Variants in SLC71A1 observed in about 807,000 individuals in gnomAD.
SLC71A1 encodes the protein hippocampus abundant gene transcript 1.
At chr1:100,058,467 G>A in the SLC71A1 span, among the ~76,000 whole-genome samples, 2 of 152,094 alleles carry the variant, frequency 1.3e-5, no homozygotes, top group African/African-American at 4.8e-5. Flanking sequence ...TATATGTAAA[G>A]TGCCCAATGT....
chr1:100,081,925 A>T, the SLC71A1 span: 1 of 1,077,490 alleles, frequency 9.3e-7, no homozygotes, highest in Non-Finnish European at 1.4e-6. Flanking sequence ...TTCATAAGTT[A>T]ATACTAAAAG....
At chr1:100,080,575 C>T in the SLC71A1 span, 7 of 1,613,808 alleles carry the variant, frequency 4.3e-6, no homozygotes, top group African/African-American at 8.0e-5. Flanking sequence ...TCATTTTCTA[C>T]ATATTCCATG....
At chr1:100,038,138 G>T in the SLC71A1 span, 2 of 1,119,976 alleles carry the variant, frequency 1.8e-6, no homozygotes, top group Admixed American at 2.0e-5. Context: ...CGCCCAGAGC[G>T]GCTCGGCCCG....
At chr1:100,042,908 C>T in the SLC71A1 span, among the ~76,000 whole-genome samples, 4 of 151,728 alleles carry the variant, frequency 2.6e-5, no homozygotes, top group South Asian at 2.1e-4. Context: ...CGCCTGGCCC[C>T]GTGGTGCTTT....
chr1:100,038,846 C>T, the SLC71A1 span, among the ~76,000 whole-genome samples: 8 of 152,220 alleles, frequency 5.3e-5, no homozygotes, highest in Admixed American at 2.6e-4. Context: ...CGTCGGTGCT[C>T]CGGCTCTGGG....
At chr1:100,062,045 A>G in the SLC71A1 span, 2 of 707,018 alleles carry the variant, frequency 2.8e-6, no homozygotes, top group East Asian at 3.0e-5. Context: ...TTGCATTACA[A>G]GATTTTTGCG....
At chr1:100,054,993 C>A in the SLC71A1 span, among the ~76,000 whole-genome samples, 2 of 151,970 alleles carry the variant, frequency 1.3e-5, no homozygotes, top group African/African-American at 4.8e-5. Context: ...GAAAGGATGC[C>A]GTGTATAAAA....
At chr1:100,057,818 A>G in the SLC71A1 span, among the ~76,000 whole-genome samples, 1 of 152,278 alleles carries the variant, frequency 6.6e-6, no homozygotes, top group South Asian at 2.1e-4. Flanking sequence ...TAAAGGGAAG[A>G]CCTTCCCTAC....
the SLC71A1 span, chr1:100,068,294 G>A: frequency 9.4e-7 from 1 of 1,062,258 alleles, no homozygotes; most frequent in Non-Finnish European, 1.4e-6. Flanking sequence ...AAACATCTTG[G>A]GTTTTTCTTT....
At chr1:100,040,129 G>A in the SLC71A1 span, among the ~76,000 whole-genome samples, 1 of 152,132 alleles carries the variant, frequency 6.6e-6, no homozygotes, top group South Asian at 2.1e-4. Context: ...TATTCTAAGA[G>A]CACTGGGCAC....
the SLC71A1 span, among the ~76,000 whole-genome samples, chr1:100,077,721 G>A: frequency 6.6e-6 from 1 of 152,228 alleles, no homozygotes; most frequent in Non-Finnish European, 1.5e-5. Context: ...CCAGCTTCAT[G>A]CTGTGTCTCA....
the SLC71A1 span, among the ~76,000 whole-genome samples, chr1:100,070,104 A>T: frequency 1.3e-5 from 2 of 152,220 alleles, no homozygotes; most frequent in Non-Finnish European, 2.9e-5. Flanking sequence ...TAAAAACACC[A>T]ATGTAAACAT....
At chr1:100,062,032 C>A in the SLC71A1 span, 3 of 765,964 alleles carry the variant, frequency 3.9e-6, no homozygotes, top group Admixed American at 2.8e-5. Flanking sequence ...GGAGTGCAAA[C>A]CTTTGCATTA....
the SLC71A1 span, chr1:100,061,733 A>G: frequency 1.4e-6 from 1 of 729,134 alleles, no homozygotes. Context: ...TAAGCTGTTG[A>G]CTGAAATGAG....
the SLC71A1 span, among the ~76,000 whole-genome samples, chr1:100,046,399 T>C: frequency 7.9e-5 from 12 of 152,090 alleles, no homozygotes; most frequent in Non-Finnish European, 1.6e-4. Context: ...CTAATTTTTG[T>C]ATTTTTAGTA....
At chr1:100,052,725 T>C in the SLC71A1 span, among the ~76,000 whole-genome samples, 1 of 151,548 alleles carries the variant, frequency 6.6e-6, no homozygotes, top group East Asian at 2.0e-4. Flanking sequence ...CCACTGTGCC[T>C]GGCCAATATA....
chr1:100,058,638 G>T, the SLC71A1 span: 1 of 1,223,574 alleles, frequency 8.2e-7, no homozygotes. Context: ...TATAGCATGT[G>T]ATTTTTATTT....
chr1:100,068,191 T>C, the SLC71A1 span: 1 of 1,613,246 alleles, frequency 6.2e-7, no homozygotes. Flanking sequence ...GCTGACCCTT[T>C]TGCGGTAAGT....
the SLC71A1 span, among the ~76,000 whole-genome samples, chr1:100,077,631 G>C: frequency 6.6e-6 from 1 of 152,072 alleles, no homozygotes; most frequent in African/African-American, 2.4e-5. Flanking sequence ...TGTTTTTCTG[G>C]TCAGGAAAAA....
Sources: allele counts gnomAD v4.1 joint callset (sites outside exome capture counted in the v4.1 genomes callset), GRCh38; gene constraint gnomAD v4.1.1; transcripts MANE v1.5; gene names NCBI Gene and HGNC (gene_info 2026-07-23, HGNC 2026-07-21).